RAD51B: variants seen among roughly 807,000 people sequenced by gnomAD.
RAD51B encodes DNA repair protein RAD51 homolog 2.
Under a neutral mutation model 42.2 loss-of-function variants are expected in RAD51B, and 38 were observed. The ratio of observed to expected loss-of-function variants is 0.90; its 90% CI spans 0.70 to 1.18. The LOEUF (loss-of-function observed/expected upper bound fraction) is 1.18. Among genes scored for constraint, RAD51B ranks in the 50% most tolerant of loss-of-function variants. The pLI, the probability that RAD51B is intolerant of heterozygous loss-of-function variation, is 0.00. For synonymous variants in RAD51B, 154 were observed against 145.2 expected, an observed-to-expected ratio of 1.06 and a Z score of -0.43; for missense variants, 373 against 400.7, an observed-to-expected ratio of 0.93 and a Z score of 0.59.
chr14:68,058,611 T>G (rs2076518246), intron 7 of RAD51B, among the ~76,000 whole-genome samples: 1 of 152,194 alleles, frequency 6.6e-6, no homozygotes, highest in African/African-American at 2.4e-5. Context: ...TTTTTTAAGG[T>G]TGTATAGTAT....
intron 7 of RAD51B, among the ~76,000 whole-genome samples, chr14:67,915,080 G>A (rs1056307428): frequency 6.6e-6 from 1 of 152,152 alleles, no homozygotes; most frequent in Non-Finnish European, 1.5e-5. Context: ...CCATTACAGG[G>A]GGAAGTTAGA....
At chr14:67,933,429 C>G (rs1017170895) in intron 7 of RAD51B, among the ~76,000 whole-genome samples, 3 of 152,148 alleles carry the variant, frequency 2.0e-5, no homozygotes, top group Non-Finnish European at 4.4e-5. Context: ...GCAGCTTAGG[C>G]CTTGGGGGTG....
intron 8 of RAD51B, among the ~76,000 whole-genome samples, chr14:68,400,020 CT>C (rs1481778204): frequency 6.6e-6 from 1 of 152,122 alleles, no homozygotes; most frequent in Non-Finnish European, 1.5e-5. Context: ...CTCTTCTGTT[CT>C]TACTGCTTGC....
At chr14:68,287,124 T>C (rs2081428162) in intron 7 of RAD51B, among the ~76,000 whole-genome samples, 1 of 152,210 alleles carries the variant, frequency 6.6e-6, no homozygotes, top group African/African-American at 2.4e-5. Context: ...CTATCTCTTT[T>C]CTCTAGCTTA....
intron 10 of RAD51B, among the ~76,000 whole-genome samples, chr14:68,604,577 C>T (rs1194478712): frequency 1.3e-5 from 2 of 152,148 alleles, no homozygotes; most frequent in African/African-American, 4.8e-5. Flanking sequence ...GCCCCTCAGC[C>T]CTTCCTCGGC....
At chr14:68,112,944 C>T (rs2077482518) in intron 7 of RAD51B, among the ~76,000 whole-genome samples, 1 of 152,072 alleles carries the variant, frequency 6.6e-6, no homozygotes, top group Admixed American at 6.6e-5. Flanking sequence ...CCCTAAATTA[C>T]AAAAACATGC....
chr14:68,454,337 A>G (rs549998563), intron 9 of RAD51B, among the ~76,000 whole-genome samples: 1 of 152,324 alleles, frequency 6.6e-6, no homozygotes, highest in African/African-American at 2.4e-5. Flanking sequence ...TAAAAGTAAC[A>G]AGAACATTGA....
downstream of RAD51B, among the ~76,000 whole-genome samples, chr14:68,615,356 T>C (rs1891803836): frequency 6.6e-6 from 1 of 152,200 alleles, no homozygotes; most frequent in African/African-American, 2.4e-5. Context: ...TTTTTCTTTT[T>C]TTTTTTTGAG....
At chr14:67,843,131 C>CTT (rs201989213) in intron 4 of RAD51B, among the ~76,000 whole-genome samples, 1 of 141,562 alleles carries the variant, frequency 7.1e-6, no homozygotes, top group Non-Finnish European at 1.6e-5. Context: ...CTGATGCTTT[C>CTT]TTTTTTTTTT....
At position 68,477,604 on chromosome 14, in the gene RAD51B, AT is replaced by A. The variant is rs556474946; in HGVS notation, c.1037-33del. The A allele has an allele frequency of 0.097, 123,270 of 1,269,826 alleles. 4,563 individuals are homozygous for A. The highest frequency in any genetic ancestry group is 0.11 in the Non-Finnish European group (102,990 of 937,430). 78.7% of individuals were successfully genotyped at this position (1,269,826 alleles called of 1,614,324 possible). A position where few individuals can be genotyped will look rare whatever the true frequency, so the allele number is the denominator to read the frequency against. On this transcript the variant is annotated intron_variant, in intron 10 of 10. Coordinates refer to ENST00000471583, the MANE Select transcript of RAD51B (RefSeq NM_133510.4). ...TGGGAAGTTAGTGCATTTCATAACA[AT>A]TTTTTTTTTTCAAACTTTCTCTTTT...
At chr14:68,350,533 C>T (rs748634025) in intron 8 of RAD51B, among the ~76,000 whole-genome samples, 15 of 152,314 alleles carry the variant, frequency 9.8e-5, no homozygotes, top group Middle Eastern at 3.4e-3. Flanking sequence ...CAGAGTGCCT[C>T]CCTTCCCCGA....
At chr14:68,140,386 A>G (rs1202232121) in intron 7 of RAD51B, among the ~76,000 whole-genome samples, 1 of 152,204 alleles carries the variant, frequency 6.6e-6, no homozygotes, top group African/African-American at 2.4e-5. Flanking sequence ...ACTGAAAGTC[A>G]CTGACACACA....
At chr14:68,351,585 A>G (rs2082789590) in intron 8 of RAD51B, among the ~76,000 whole-genome samples, 1 of 152,144 alleles carries the variant, frequency 6.6e-6, no homozygotes, top group Non-Finnish European at 1.5e-5. Flanking sequence ...ACATTACAGG[A>G]GAGTGGAACA....
intron 10 of RAD51B, among the ~76,000 whole-genome samples, chr14:68,605,219 A>G (rs4262880): frequency 0.85 from 129,327 of 151,874 alleles, 55,248 homozygotes; most frequent in Middle Eastern, 0.9. Flanking sequence ...TTCTCGATGC[A>G]CTGAGGGAGA....
intron 9 of RAD51B, among the ~76,000 whole-genome samples, chr14:68,435,496 T>G (rs1018964965): frequency 4.6e-5 from 7 of 151,280 alleles, no homozygotes; most frequent in South Asian, 2.1e-4. Flanking sequence ...TTTTTGGTTT[T>G]TTTTTTTTTT....
chr14:68,592,266 T>C (rs1890784708), intron 10 of RAD51B, among the ~76,000 whole-genome samples: 1 of 151,394 alleles, frequency 6.6e-6, no homozygotes, highest in African/African-American at 2.4e-5. Context: ...TGTGTGTGTG[T>C]GTGTGTGTGT....
intron 7 of RAD51B, among the ~76,000 whole-genome samples, chr14:68,023,170 C>T (rs997485874): frequency 1.3e-5 from 2 of 152,120 alleles, no homozygotes; most frequent in African/African-American, 4.8e-5. Flanking sequence ...TGGGTATATA[C>T]CCAGTAATGG....
chr14:68,522,100 C>T (rs1886623276), intron 10 of RAD51B, among the ~76,000 whole-genome samples: 1 of 152,184 alleles, frequency 6.6e-6, no homozygotes. Flanking sequence ...CCAGTCCACA[C>T]TCAGGGCCGT....
At chr14:68,135,620 C>T (rs912003547) in intron 7 of RAD51B, among the ~76,000 whole-genome samples, 1 of 152,120 alleles carries the variant, frequency 6.6e-6, no homozygotes, top group African/African-American at 2.4e-5. Flanking sequence ...GATTGAATAT[C>T]CTTACTTCCC....
Sources: gnomAD v4.1 joint callset for allele counts (sites outside exome capture counted in the v4.1 genomes callset) on GRCh38, gnomAD v4.1.1 for gene constraint, MANE v1.5 for transcripts, NCBI Gene and HGNC (gene_info 2026-07-23, HGNC 2026-07-21) for gene names.